The following NCK1 variants were observed in gnomAD, a reference collection of about 807,000 sequenced individuals.
NCK1 encodes SH2/SH3 adapter protein NCK1.
NCK1 carries 19 observed loss-of-function variants against 36.6 expected under a neutral mutation model. The ratio of observed to expected loss-of-function variants is 0.52; its 90% confidence interval spans 0.36 to 0.76. NCK1 has a LOEUF of 0.76. Among genes scored for constraint, NCK1 ranks in the 30% least tolerant of loss-of-function variants. The pLI is 0.00. For missense variants in NCK1, 358 were observed against 445.6 expected, an observed-to-expected ratio of 0.80 and a Z score of 1.77; for synonymous variants, 165 against 156.0, an observed-to-expected ratio of 1.06 and a Z score of -0.43.
intron 1 of NCK1, among the ~76,000 whole-genome samples, chr3:136,870,294 A>T (rs1053062816): frequency 2.6e-5 from 4 of 151,670 alleles, no homozygotes; most frequent in African/African-American, 7.3e-5. Context: ...GTGAGCCGAG[A>T]TCATGCCACT....
chr3:136,872,659 G>A (rs1033151374), intron 1 of NCK1, among the ~76,000 whole-genome samples: 38 of 152,194 alleles, frequency 2.5e-4, no homozygotes, highest in Non-Finnish European at 2.4e-4. Flanking sequence ...CATCACAGGC[G>A]TGGAAGCCTT....
chr3:136,923,984 T>G (rs1940178873), intron 1 of NCK1, among the ~76,000 whole-genome samples: 1 of 152,190 alleles, frequency 6.6e-6, no homozygotes. Context: ...AAATTTTCCT[T>G]TGAGAATAAT....
At chr3:136,943,077 G>A (rs992137563) in intron 2 of NCK1, among the ~76,000 whole-genome samples, 5 of 152,142 alleles carry the variant, frequency 3.3e-5, no homozygotes, top group African/African-American at 9.7e-5. Context: ...GGATGCGATA[G>A]CACTCTCTTT....
At chr3:136,885,429 T>C (rs1474052668) in intron 1 of NCK1, among the ~76,000 whole-genome samples, 1 of 152,168 alleles carries the variant, frequency 6.6e-6, no homozygotes, top group Non-Finnish European at 1.5e-5. Flanking sequence ...TTCAGCTCCT[T>C]ACGTAGCTGG....
At chr3:136,931,567 C>A (rs1940391392) in intron 2 of NCK1, among the ~76,000 whole-genome samples, 1 of 78,928 alleles carries the variant, frequency 1.3e-5, no homozygotes, top group South Asian at 4.9e-4. Flanking sequence ...CAGATCTTTG[C>A]ATTTTTCATT....
At chr3:136,919,383 A>G (rs1031458555) in intron 1 of NCK1, among the ~76,000 whole-genome samples, 1 of 152,214 alleles carries the variant, frequency 6.6e-6, no homozygotes, top group Non-Finnish European at 1.5e-5. Context: ...CCCTATTTTT[A>G]TCCATCTATT....
chr3:136,935,371 G>T (rs1940504059), intron 2 of NCK1, among the ~76,000 whole-genome samples: 1 of 151,642 alleles, frequency 6.6e-6, no homozygotes. Context: ...GTATTTTCAG[G>T]TTTAACTTTT....
At chr3:136,889,563 C>T (rs559267121) in intron 1 of NCK1, among the ~76,000 whole-genome samples, 4 of 152,056 alleles carry the variant, frequency 2.6e-5, no homozygotes, top group South Asian at 2.1e-4. Context: ...ACTGCTGGCT[C>T]GGGCAGCCTG....
rs144133695 is a variant in NCK1 at position 136,914,946 on chromosome 3, A to G, written c.-18-13038A>G. ...AGCCAGTTGTTAAAAAGAGCCTGACACCTCCCCATTCTCTCTCTTGCTTCA... is the reference window on the plus strand; with the variant it reads ...AGCCAGTTGTTAAAAAGAGCCTGACGCCTCCCCATTCTCTCTCTTGCTTCA... On this transcript the variant is annotated intron_variant, in intron 1 of 3. Coordinates refer to ENST00000481752, the MANE Select transcript of NCK1 (RefSeq NM_001291999.2). Among the ~76,000 whole-genome samples the G allele has an allele frequency of 5.2e-4, 79 of 151,082 alleles. 1 individual carries two copies. Among genetic ancestry groups the G allele is most frequent in the Admixed American group, 8.6e-4 (13 of 15,174 alleles).
At chr3:136,867,405 A>ATTTTTTTTTTTT (rs34322362) in intron 1 of NCK1, 3 of 101,590 alleles carry the variant, frequency 3.0e-5, no homozygotes, top group Non-Finnish European at 3.6e-5. Flanking sequence ...TGTCTGGCTA[A>ATTTTTTTTTTTT]TTTTTTTTTT....
chr3:136,879,118 A>G (rs553517713), intron 1 of NCK1, among the ~76,000 whole-genome samples: 10 of 106,024 alleles, frequency 9.4e-5, no homozygotes, highest in Non-Finnish European at 1.6e-4. Context: ...CAAACTGGGA[A>G]CAATCAGAAC....
chr3:136,892,449 T>G (rs1939271821), intron 1 of NCK1, among the ~76,000 whole-genome samples: 1 of 152,190 alleles, frequency 6.6e-6, no homozygotes, highest in South Asian at 2.1e-4. Flanking sequence ...ACAAGAGTCC[T>G]TATCAGAGGG....
At position 136,879,580 on chromosome 3, in the gene NCK1, A is replaced by G. The variant is rs145905741; in HGVS notation, c.-19+17227A>G. On this transcript the variant is annotated intron_variant, in intron 1 of 3. Coordinates refer to ENST00000481752, the MANE Select transcript of NCK1 (RefSeq NM_001291999.2). ...TTAAGAATGTGACCTTATGTGCACT[A>G]TTCACAATAGCAAAGACTTGGAACC... Among the ~76,000 whole-genome samples, 5 of 152,286 alleles carry G rather than the reference A, an allele frequency of 3.3e-5. No individual in the cohort carries two copies. In the East Asian group the frequency reaches 9.6e-4, roughly 29 times the overall value.
rs1420435035 is a variant in NCK1, at chr3:136,950,579, CTG to C, written c.*2128_*2129del. ...CTTAATCCAATGCTTATACCAGTGA[CTG>C]TTTTTATAATACTTGAAGTAACTTT... On this transcript the variant is annotated 3_prime_UTR_variant, in exon 4 of 4. Coordinates refer to ENST00000481752, the MANE Select transcript of NCK1 (RefSeq NM_001291999.2). Among the ~76,000 whole-genome samples the C allele has an allele frequency of 6.6e-6, 1 of 152,166 alleles. No homozygotes were observed. The highest frequency in any genetic ancestry group is 2.4e-5 in the African/African-American group (1 of 41,458).
intron 1 of NCK1, among the ~76,000 whole-genome samples, chr3:136,915,779 G>A (rs1939949004): frequency 6.6e-6 from 1 of 151,378 alleles, no homozygotes; most frequent in Admixed American, 6.6e-5. Flanking sequence ...AGGCTGGAGT[G>A]CAGTGGAGCC....
intron 1 of NCK1, among the ~76,000 whole-genome samples, chr3:136,875,177 T>C (rs568413282): frequency 6.6e-6 from 1 of 152,204 alleles, no homozygotes; most frequent in Non-Finnish European, 1.5e-5. Flanking sequence ...TGCTCTCTGT[T>C]TGTCTGTTAT....
intron 2 of NCK1, among the ~76,000 whole-genome samples, chr3:136,935,126 C>G (rs1940496762): frequency 6.6e-6 from 1 of 152,182 alleles, no homozygotes; most frequent in South Asian, 2.1e-4. Context: ...GTCTTGAACT[C>G]CTGGCCTCAG....
chr3:136,924,970 A>T (rs1940201479), intron 1 of NCK1, among the ~76,000 whole-genome samples: 1 of 152,210 alleles, frequency 6.6e-6, no homozygotes. Context: ...TAATGAAATC[A>T]TGGGATTCCA....
intron 1 of NCK1, among the ~76,000 whole-genome samples, chr3:136,878,838 T>C (rs955613824): frequency 4.6e-5 from 7 of 152,082 alleles, no homozygotes; most frequent in African/African-American, 1.7e-4. Context: ...CTAGACACAA[T>C]TGGAGGTCAA....
Sources: gnomAD v4.1 joint callset for allele counts (sites outside exome capture counted in the v4.1 genomes callset) on GRCh38, gnomAD v4.1.1 for gene constraint, MANE v1.5 for transcripts, NCBI Gene and HGNC (gene_info 2026-07-23, HGNC 2026-07-21) for gene names.